Variants in WDR41 observed in about 807,000 individuals in gnomAD.
WDR41 encodes WD repeat-containing protein 41.
In WDR41, 63 loss-of-function variants were observed where a neutral mutation model predicts 69.3. That is an observed-to-expected ratio of 0.91 (90% CI 0.74 to 1.12). The LOEUF (loss-of-function observed/expected upper bound fraction) is 1.12, where lower values mean the gene tolerates loss of function less well. WDR41 is among the 50% of genes most tolerant of loss of function. The pLI, the probability that WDR41 is intolerant of heterozygous loss-of-function variation, is 0.00. For missense variants in WDR41, 543 were observed against 534.5 expected (o/e 1.02, Z -0.16); for synonymous variants, 185 against 192.1 (o/e 0.96, Z 0.31).
At chr5:77,525,845 A>C (rs904220221) in intron 1 of WDR41, among the ~76,000 whole-genome samples, 77 of 152,294 alleles carry the variant, frequency 5.1e-4, no homozygotes, top group African/African-American at 1.8e-3. Flanking sequence ...GGAGAGGTGT[A>C]AAGATAGTGC....
At chr5:77,465,212 TA>T (rs1353191445) in intron 2 of WDR41, among the ~76,000 whole-genome samples, 3 of 152,186 alleles carry the variant, frequency 2.0e-5, no homozygotes, top group African/African-American at 7.2e-5. Flanking sequence ...ATTCTCTCTG[TA>T]AATAATTATT....
intron 1 of WDR41, among the ~76,000 whole-genome samples, chr5:77,514,729 C>T (rs1398768612): frequency 1.3e-5 from 2 of 152,182 alleles, no homozygotes; most frequent in African/African-American, 4.8e-5. Context: ...TAGTCTACTA[C>T]ACACCTAGGC....
intron 10 of WDR41, 88 bp from the exon 11 acceptor site, chr5:77,437,512 T>C: frequency 9.0e-7 from 1 of 1,114,546 alleles, no homozygotes; most frequent in Non-Finnish European, 1.4e-6. Context: ...AGTGGAGCCC[T>C]CAACTGCTTT....
intron 1 of WDR41, among the ~76,000 whole-genome samples, chr5:77,592,251 A>C (rs183711464): frequency 6.6e-6 from 1 of 152,146 alleles, no homozygotes; most frequent in Non-Finnish European, 1.5e-5. Context: ...TAAGCAGCAT[A>C]TAGTTAGATT....
chr5:77,591,854 G>A (rs1744143160), intron 1 of WDR41, among the ~76,000 whole-genome samples: 1 of 152,042 alleles, frequency 6.6e-6, no homozygotes, highest in South Asian at 2.1e-4. Flanking sequence ...TTAAAAGAAT[G>A]TACATTCTAG....
At chr5:77,435,897 C>T (rs1798920346) in intron 12 of WDR41, among the ~76,000 whole-genome samples, 1 of 152,176 alleles carries the variant, frequency 6.6e-6, no homozygotes, top group Admixed American at 6.5e-5. Flanking sequence ...CCCTGGAATT[C>T]GATTCTGTTA....
chr5:77,483,723 CTCG>C (rs1332012776), intron 2 of WDR41, among the ~76,000 whole-genome samples: 1 of 152,150 alleles, frequency 6.6e-6, no homozygotes, highest in Non-Finnish European at 1.5e-5. Flanking sequence ...GAAATTTCTT[CTCG>C]TCAATTATTA....
intron 1 of WDR41, among the ~76,000 whole-genome samples, chr5:77,595,371 T>C (rs948266239): frequency 3.3e-5 from 5 of 152,166 alleles, no homozygotes; most frequent in Non-Finnish European, 5.9e-5. Flanking sequence ...TGCCCAAGTA[T>C]AGAAAAATGC....
At chr5:77,590,712 TGGAACA>T (rs1561233010) in intron 1 of WDR41, among the ~76,000 whole-genome samples, 1 of 152,204 alleles carries the variant, frequency 6.6e-6, no homozygotes, top group Non-Finnish European at 1.5e-5. Context: ...AGTCCTCCCT[TGGAACA>T]GGTCTATATT....
At chr5:77,542,256 C>T (rs560006183) in intron 1 of WDR41, among the ~76,000 whole-genome samples, 19 of 152,134 alleles carry the variant, frequency 1.2e-4, no homozygotes, top group East Asian at 5.8e-4. Context: ...AAGAACAACA[C>T]GCACGGGGGC....
At chr5:77,451,256 T>G in intron 7 of WDR41, 35 bp downstream of exon 7, 1 of 1,605,874 alleles carries the variant, frequency 6.2e-7, no homozygotes, top group South Asian at 1.1e-5. Flanking sequence ...CAATTCTCGT[T>G]CAAAATACAC....
At chr5:77,478,354 C>T (rs929016422) in intron 2 of WDR41, among the ~76,000 whole-genome samples, 17 of 152,122 alleles carry the variant, frequency 1.1e-4, no homozygotes, top group African/African-American at 3.6e-4. Context: ...ATACCAAAGC[C>T]GGGCAGAGAC....
intron 1 of WDR41, among the ~76,000 whole-genome samples, chr5:77,595,154 TTC>T (rs1561234365): frequency 2.0e-5 from 3 of 146,786 alleles, no homozygotes; most frequent in Non-Finnish European, 3.0e-5. Flanking sequence ...TAAGGTCTTC[TTC>T]GTGCTTCATT....
intron 1 of WDR41, among the ~76,000 whole-genome samples, chr5:77,559,849 C>A (rs1743489480): frequency 6.6e-6 from 1 of 152,026 alleles, no homozygotes; most frequent in African/African-American, 2.4e-5. Flanking sequence ...TTCAGAATTA[C>A]CTCTTGGTCC....
rs1491432347 is a variant in WDR41 at position 77,512,332 on chromosome 5, G to GAGAGAGAGAGAA, written c.43-22761_43-22760insTTCTCTCTCTCT. On this transcript the variant is annotated intron_variant, in intron 1 of 5. Transcript: ENST00000509971. The stretch of plus-strand genomic sequence containing the variant: ...TGGTCTGTAATTACATGGGGTGAGT[G>GAGAGAGAGAGAA]AGAGAGAGAGAGAGAGAGAGTGAGT... 9.1e-3 allele frequency among the ~76,000 whole-genome samples: 524 copies of GAGAGAGAGAGAA among 57,748 alleles called. 5 individuals are homozygous for GAGAGAGAGAGAA. The highest frequency in any genetic ancestry group is 0.048 in the African/African-American group (427 of 8,892). 37.9% of individuals were successfully genotyped at this position (57,748 alleles called of 152,430 possible). A position where few individuals can be genotyped will look rare whatever the true frequency, so the allele number is the denominator to read the frequency against.
intron 1 of WDR41, among the ~76,000 whole-genome samples, chr5:77,614,704 C>T (rs1329019418): frequency 2.0e-5 from 3 of 147,712 alleles, no homozygotes; most frequent in South Asian, 2.2e-4. Flanking sequence ...TGCTTAATGA[C>T]GCGTTAATGG....
At chr5:77,506,257 C>T (rs1802104902) in intron 1 of WDR41, among the ~76,000 whole-genome samples, 1 of 152,156 alleles carries the variant, frequency 6.6e-6, no homozygotes, top group South Asian at 2.1e-4. Context: ...CAAAAGAAGA[C>T]ATTTATGCAG....
chr5:77,435,204 A>C (rs180761999), intron 12 of WDR41, among the ~76,000 whole-genome samples: 2 of 152,356 alleles, frequency 1.3e-5, no homozygotes, highest in Admixed American at 1.3e-4. Context: ...ATGACACTGT[A>C]CCCCAACATC....
chr5:77,458,844 A>C (rs1489470163), intron 5 of WDR41: 2 of 375,842 alleles, frequency 5.3e-6, no homozygotes, highest in Non-Finnish European at 9.6e-6. Flanking sequence ...TTATCTTGCT[A>C]TTGGGATTAT....
Sources: gnomAD v4.1 joint callset for allele counts (sites outside exome capture counted in the v4.1 genomes callset) on GRCh38, gnomAD v4.1.1 for gene constraint, MANE v1.5 for transcripts, NCBI Gene and HGNC (gene_info 2026-07-23, HGNC 2026-07-21) for gene names.